MFNG: variants seen among roughly 807,000 people sequenced by gnomAD.
MFNG encodes MFNG O-fucosylpeptide 3-beta-N-acetylglucosaminyltransferase, also known as beta-1,3-N-acetylglucosaminyltransferase manic fringe.
Under a neutral mutation model 34.2 loss-of-function variants are expected in MFNG, and 24 were observed. The ratio of observed to expected loss-of-function variants is 0.70; its 90% CI spans 0.51 to 0.99. The LOEUF (loss-of-function observed/expected upper bound fraction) is 0.99. MFNG is among the 50% of genes least tolerant of loss of function. The probability of loss-of-function intolerance (pLI) is 0.00; values close to 1 mark genes in which losing one functional copy is unlikely to be tolerated. For missense variants in MFNG, 383 were observed against 424.0 expected (o/e 0.90, Z 0.85); for synonymous variants, 158 against 179.2 (o/e 0.88, Z 0.94).
Position 37,485,596 on chromosome 22 carries a change from G to A in MFNG, c.255+327C>T, listed in dbSNP as rs560274491. On this transcript the variant is annotated intron_variant, in intron 1 of 7. Coordinates refer to ENST00000356998, the MANE Select transcript of MFNG (RefSeq NM_002405.4). This position sits in a 1 kb window ranked among gnomAD's most constrained non-coding sequence, Gnocchi z 5.3. ...TGCCAGGCTGGGCCTGGGTGGCTAGGAGCGAAGCCCCCACGGGAGCGGCTA... is the reference window on the plus strand; with the variant it reads ...TGCCAGGCTGGGCCTGGGTGGCTAGAAGCGAAGCCCCCACGGGAGCGGCTA... 9.2e-5 allele frequency among the ~76,000 whole-genome samples: 14 copies of A among 152,322 alleles called. No homozygotes were observed. The South Asian group carries it at 2.9e-3, about 32-fold the overall frequency.
In MFNG at chr22:37,480,211, CAAG is replaced by C. The variant is rs780227976; in HGVS notation, c.390_392del (p.Phe130del). 4.3e-6 allele frequency: 7 copies of C among 1,610,258 alleles called. No homozygotes were observed. The highest frequency in any genetic ancestry group is 3.3e-5 in the South Asian group (3 of 90,886). On this transcript the variant is annotated inframe_deletion, in exon 3 of 8. Transcript: ENST00000356998. ...GGAACACTCGCCTAAGCCCACTGGCCAAGAAGGTGTCGAACTCAGCAGCCATCT... is the reference window on the plus strand; with the variant it reads ...GGAACACTCGCCTAAGCCCACTGGCCAAGGTGTCGAACTCAGCAGCCATCT...
intron 7 of MFNG, among the ~76,000 whole-genome samples, chr22:37,471,281 T>A (rs892973146): frequency 1.3e-5 from 2 of 152,224 alleles, no homozygotes; most frequent in African/African-American, 4.8e-5. Flanking sequence ...ACCCATTGCA[T>A]GTCACTACAA....
At chr22:37,470,097 T>C in intron 7 of MFNG, 68 bp from the exon 8 acceptor site, 1 of 1,233,946 alleles carries the variant, frequency 8.1e-7, no homozygotes, top group South Asian at 1.3e-5. Context: ...CTCTCCTAGG[T>C]GCACACATGC....
rs779564449 is a variant in MFNG, at chr22:37,479,398, G to A, written c.508C>T (p.Pro170Ser). ...PLARDVYVGRPSLNRPIHASE... is the reference protein window; with the variant it reads ...PLARDVYVGRSSLNRPIHASE... ...GCATGGATGGGCCGGTTCAGGCTGG[G>A]CCTTCCCACATAGACGTCGCGGGCC... The change falls in exon 4 of 8, where the codon CCC becomes TCC. Residue 170 changes from proline to serine, a missense_variant. Pro to Ser is a moderately conservative substitution (Grantham distance 74, BLOSUM62 -1). Coordinates refer to ENST00000356998, the MANE Select transcript of MFNG (RefSeq NM_002405.4). 1.9e-6 allele frequency: 3 copies of A among 1,608,890 alleles called. No individual in the cohort carries two copies. The highest frequency in any genetic ancestry group is 1.7e-6 in the Non-Finnish European group (2 of 1,177,514).
At chr22:37,472,625 A>C in intron 6 of MFNG, 97 bp from the exon 7 acceptor site, 1 of 1,203,452 alleles carries the variant, frequency 8.3e-7, no homozygotes, top group Non-Finnish European at 1.2e-6. Context: ...TTTAAGCTGC[A>C]GGGAAAGCTG....
chr22:37,473,787 G>T (rs761111052), intron 6 of MFNG, among the ~76,000 whole-genome samples: 1 of 152,248 alleles, frequency 6.6e-6, no homozygotes, highest in Non-Finnish European at 1.5e-5. Context: ...GGGCCAACTT[G>T]GGGGAGAGCT....
chr22:37,472,098 C>T (rs1921831734), intron 7 of MFNG, among the ~76,000 whole-genome samples: 1 of 152,162 alleles, frequency 6.6e-6, no homozygotes, highest in South Asian at 2.1e-4. Context: ...CCTGAAGTTC[C>T]ACCATGAGAG....
Position 37,476,881 on chromosome 22 carries a change from T to G in MFNG, c.647+15A>C. On this transcript the variant is annotated intron_variant, in intron 5 of 7. Transcript: ENST00000356998. ...CCCTCCCCGCCTTCCTGCCCACCCC[T>G]GGGTCTCTGCTTACCTGGCCCACGG... 4.4e-6 allele frequency: 5 copies of G among 1,148,826 alleles called. No individual in the cohort carries two copies. The highest frequency in any genetic ancestry group is 6.2e-6 in the Non-Finnish European group (5 of 811,468). The allele number at this position is 1,148,826 out of a possible 1,614,324, so 71.2% of individuals were successfully genotyped here. A position where few individuals can be genotyped will look rare whatever the true frequency, so the allele number is the denominator to read the frequency against.
rs1339484502 is a variant in MFNG, at chr22:37,483,926, G to T, written c.255+1997C>A. Among the ~76,000 whole-genome samples the T allele has an allele frequency of 6.6e-6, 1 of 152,194 alleles. No homozygotes were observed. Among genetic ancestry groups the T allele is most frequent in the Non-Finnish European group, 1.5e-5 (1 of 68,034 alleles). On this transcript the variant is annotated intron_variant, in intron 1 of 7. Coordinates refer to ENST00000356998, the MANE Select transcript of MFNG (RefSeq NM_002405.4). The surrounding 1 kb of genome is among the most constrained non-coding windows in gnomAD (Gnocchi z 4.5). Reference sequence around the variant, plus strand: ...AATCCTAAGGTTGGCACAGAGCGATGGGCAGAGTTTCTTTGGAGCCAAGGG... The same window carrying T: ...AATCCTAAGGTTGGCACAGAGCGATTGGCAGAGTTTCTTTGGAGCCAAGGG...
intron 4 of MFNG, 83 bp from the exon 5 acceptor site, chr22:37,477,064 C>A: frequency 8.5e-7 from 1 of 1,173,358 alleles, no homozygotes; most frequent in Non-Finnish European, 1.3e-6. Context: ...CCTTCACCCC[C>A]AACCAGCATG....
intron 4 of MFNG, among the ~76,000 whole-genome samples, chr22:37,478,898 C>T (rs1472122835): frequency 2.6e-5 from 4 of 152,092 alleles, no homozygotes; most frequent in South Asian, 2.1e-4. Context: ...AGGCTGGTCT[C>T]GAACTCTTGA....
At chr22:37,470,477 G>A (rs1009168789) in intron 7 of MFNG, among the ~76,000 whole-genome samples, 35 of 152,184 alleles carry the variant, frequency 2.3e-4, no homozygotes, top group Admixed American at 6.5e-5. Context: ...TTCAAGCTTT[G>A]AGGAAATTTA....
In MFNG at chr22:37,486,194, C is replaced by G; in HGVS notation, c.-17G>C. 1.3e-6 allele frequency: 2 copies of G among 1,527,360 alleles called. No homozygotes were observed. The allele number at this position is 1,527,360 out of a possible 1,614,324, so 94.6% of individuals were successfully genotyped here. On this transcript the variant is annotated 5_prime_UTR_variant, in exon 1 of 8. Transcript: ENST00000356998. Reference sequence around the variant, plus strand: ...GCACTGCATTGGTTGGCCCTGGGACCCCAGACAGCTCAGCCCCCAAATCCC... The same window carrying G: ...GCACTGCATTGGTTGGCCCTGGGACGCCAGACAGCTCAGCCCCCAAATCCC...
chr22:37,480,341 C>T lies in MFNG; in HGVS notation c.305-42G>A, dbSNP rs1341144332. 2.0e-6 allele frequency: 3 copies of T among 1,501,018 alleles called. No homozygotes were observed. In the Admixed American group the frequency reaches 5.1e-5, roughly 26 times the overall value. 93.0% of individuals were successfully genotyped at this position (1,501,018 alleles called of 1,614,324 possible). On this transcript the variant is annotated intron_variant, in intron 2 of 7. Transcript: ENST00000356998. ...GAGTCAGGGGACCCTGCCCAGGTCC[C>T]CCCTTCAGAGCCCTGAACACAGAAT...
At chr22:37,475,154 G>A (rs1420703821) in intron 5 of MFNG, among the ~76,000 whole-genome samples, 1 of 152,156 alleles carries the variant, frequency 6.6e-6, no homozygotes, top group Non-Finnish European at 1.5e-5. Flanking sequence ...TGCTGCCTGG[G>A]GGTACAGGGA....
rs112395451 is a variant in MFNG at position 37,485,183 on chromosome 22, G to GCACACACACACA, written c.255+728_255+739dup. 2.7e-5 allele frequency among the ~76,000 whole-genome samples: 4 copies of GCACACACACACA among 149,904 alleles called. No individual in the cohort carries two copies. The highest frequency in any genetic ancestry group is 2.1e-4 in the South Asian group (1 of 4,746). On this transcript the variant is annotated intron_variant, in intron 1 of 7. Transcript: ENST00000356998. This position sits in a 1 kb window ranked among gnomAD's most constrained non-coding sequence, Gnocchi z 5.3. ...GCACACTCCAGCTCCGTGCGTGTGA[G>GCACACACACACA]CACACACACACACACACACACAATC...
intron 5 of MFNG, 105 bp from the exon 6 acceptor site, chr22:37,474,782 G>T: frequency 8.0e-7 from 1 of 1,250,238 alleles, no homozygotes; most frequent in Non-Finnish European, 1.1e-6. Context: ...GCAGAACAGA[G>T]CACCTGCCTC....
intron 6 of MFNG, among the ~76,000 whole-genome samples, chr22:37,473,752 A>G (rs575268672): frequency 3.5e-4 from 54 of 152,324 alleles, no homozygotes; most frequent in African/African-American, 1.3e-3. Context: ...TCTTGCCAAC[A>G]TGAGGGCTGA....
Position 37,485,138 on chromosome 22 carries a change from C to A in MFNG, c.255+785G>T, listed in dbSNP as rs1922484215. ...GCCGCACAGCCATGTGACAGACATG[C>A]CTCTTGTCACACACATCTAGCACAC... On this transcript the variant is annotated intron_variant, in intron 1 of 7. Coordinates refer to ENST00000356998, the MANE Select transcript of MFNG (RefSeq NM_002405.4). The surrounding 1 kb of genome is among the most constrained non-coding windows in gnomAD (Gnocchi z 5.3). Among the ~76,000 whole-genome samples, 1 of 152,114 alleles carries A rather than the reference C, an allele frequency of 6.6e-6. No individual in the cohort carries two copies. Among genetic ancestry groups the A allele is most frequent in the Admixed American group, 6.5e-5 (1 of 15,270 alleles).
Sources: allele counts gnomAD v4.1 joint callset (sites outside exome capture counted in the v4.1 genomes callset), GRCh38; gene constraint gnomAD v4.1.1; non-coding constraint Gnocchi (gnomAD v3.1); transcripts MANE v1.5; gene names NCBI Gene and HGNC (gene_info 2026-07-23, HGNC 2026-07-21).